DIAPH3: variants seen among roughly 807,000 people sequenced by gnomAD.
DIAPH3 encodes diaphanous related formin 3.
A neutral mutation model predicts 144.3 loss-of-function variants in DIAPH3; 117 were observed. The ratio of observed to expected loss-of-function variants is 0.81; its 90% CI spans 0.70 to 0.95. The LOEUF is 0.95. DIAPH3 is among the 40% of genes least tolerant of loss of function. DIAPH3 has a pLI of 0.00. For missense variants in DIAPH3, 1,421 were observed against 1,412.7 expected, an observed-to-expected ratio of 1.01 and a Z score of -0.09; for synonymous variants, 519 against 488.9, an observed-to-expected ratio of 1.06 and a Z score of -0.81.
chr13:59,811,384 T>C (rs1173016194), intron 24 of DIAPH3, among the ~76,000 whole-genome samples: 1 of 152,198 alleles, frequency 6.6e-6, no homozygotes, highest in Non-Finnish European at 1.5e-5. Context: ...GTGGCTACTT[T>C]TTATTACAAT....
At chr13:59,671,689 A>C (rs2032383899) in intron 27 of DIAPH3, among the ~76,000 whole-genome samples, 1 of 152,246 alleles carries the variant, frequency 6.6e-6, no homozygotes, top group South Asian at 2.1e-4. Flanking sequence ...AAACACGATG[A>C]GAATACATGC....
chr13:59,812,659 A>G (rs2040547743), intron 24 of DIAPH3, among the ~76,000 whole-genome samples: 1 of 152,194 alleles, frequency 6.6e-6, no homozygotes, highest in Admixed American at 6.5e-5. Flanking sequence ...AGAACACATC[A>G]GGCAGAGGGA....
chr13:60,077,781 A>G (rs1287420023), intron 4 of DIAPH3, among the ~76,000 whole-genome samples: 2 of 152,104 alleles, frequency 1.3e-5, no homozygotes, highest in African/African-American at 2.4e-5. Context: ...CATTAAAGAA[A>G]GCACATGATG....
At chr13:59,756,525 G>A (rs2037283213) in intron 27 of DIAPH3, among the ~76,000 whole-genome samples, 2 of 145,408 alleles carry the variant, frequency 1.4e-5, no homozygotes, top group Non-Finnish European at 3.0e-5. Context: ...AGTCAGGCAG[G>A]CAGGGAGGGA....
intron 12 of DIAPH3, among the ~76,000 whole-genome samples, chr13:59,990,716 T>C (rs749962375): frequency 2.6e-5 from 4 of 151,954 alleles, no homozygotes; most frequent in Non-Finnish European, 4.4e-5. Flanking sequence ...AAAAGCCATT[T>C]GTCTGGCTTT....
At chr13:59,839,086 G>C (rs1231809993) in intron 23 of DIAPH3, 1 of 373,130 alleles carries the variant, frequency 2.7e-6, no homozygotes, top group East Asian at 6.4e-5. Context: ...ACTCCAGCCT[G>C]GGTTTCAAAA....
At position 59,974,029 on chromosome 13, in the gene DIAPH3, T is replaced by C. The variant is rs2800307; in HGVS notation, c.1650+323A>G. Among the ~76,000 whole-genome samples, 34,413 of 151,990 alleles carry C rather than the reference T, an allele frequency of 0.23. 4,077 individuals carry two copies. Among genetic ancestry groups the C allele is most frequent in the South Asian group, 0.27 (1,318 of 4,808 alleles). Reference sequence around the variant, plus strand: ...AAATAGCTTGAGCAATAATTTCTTGTAGTGGGATAAAGATCAGTGATGAAT... The same window carrying C: ...AAATAGCTTGAGCAATAATTTCTTGCAGTGGGATAAAGATCAGTGATGAAT... On this transcript the variant is annotated intron_variant, in intron 15 of 27. Transcript: ENST00000400324.
intron 4 of DIAPH3, among the ~76,000 whole-genome samples, chr13:60,091,567 C>T (rs1337868599): frequency 6.6e-6 from 1 of 151,850 alleles, no homozygotes; most frequent in East Asian, 1.9e-4. Flanking sequence ...GAATTACATG[C>T]GTGAGCCACC....
intron 21 of DIAPH3, among the ~76,000 whole-genome samples, chr13:59,878,492 A>G (rs781068026): frequency 1.8e-4 from 28 of 152,168 alleles, no homozygotes; most frequent in African/African-American, 4.8e-5. Context: ...TTACGAGGTC[A>G]AGAACAAGAA....
intron 27 of DIAPH3, among the ~76,000 whole-genome samples, chr13:59,735,073 G>A (rs576756960): frequency 2.2e-4 from 34 of 151,820 alleles, no homozygotes; most frequent in Non-Finnish European, 4.9e-4. Flanking sequence ...TAAATAGAAT[G>A]TTTACAAAAT....
intron 3 of DIAPH3, among the ~76,000 whole-genome samples, chr13:60,105,152 T>C (rs2058385661): frequency 7.0e-6 from 1 of 143,040 alleles, no homozygotes; most frequent in African/African-American, 2.6e-5. Flanking sequence ...AGGATTTTCA[T>C]TCATATATTT....
intron 25 of DIAPH3, among the ~76,000 whole-genome samples, chr13:59,784,919 T>G (rs1334200987): frequency 1.3e-5 from 2 of 152,156 alleles, no homozygotes; most frequent in African/African-American, 2.4e-5. Context: ...ATTCTGGTTA[T>G]AGAGATTTTT....
At chr13:59,889,220 A>T (rs2045638885) in intron 20 of DIAPH3, among the ~76,000 whole-genome samples, 1 of 151,942 alleles carries the variant, frequency 6.6e-6, no homozygotes, top group Admixed American at 6.6e-5. Flanking sequence ...TTACTCTCTT[A>T]TCCTTTGGGG....
intron 22 of DIAPH3, among the ~76,000 whole-genome samples, chr13:59,847,344 G>C (rs1419886143): frequency 6.6e-6 from 1 of 152,178 alleles, no homozygotes; most frequent in Non-Finnish European, 1.5e-5. Context: ...AAAGAAGAAA[G>C]GGAGAAGGCA....
At chr13:59,930,430 T>G (rs926561437) in intron 17 of DIAPH3, among the ~76,000 whole-genome samples, 1 of 152,114 alleles carries the variant, frequency 6.6e-6, no homozygotes, top group South Asian at 2.1e-4. Context: ...CCTTTTGGGA[T>G]AAATACCTAA....
chr13:59,816,165 G>T (rs1202555420), intron 24 of DIAPH3, among the ~76,000 whole-genome samples: 1 of 151,920 alleles, frequency 6.6e-6, no homozygotes, highest in Non-Finnish European at 1.5e-5. Flanking sequence ...ACTCAATTTG[G>T]ACAGGAAGAA....
At chr13:60,135,882 C>T (rs942523152) in intron 1 of DIAPH3, among the ~76,000 whole-genome samples, 8 of 151,966 alleles carry the variant, frequency 5.3e-5, no homozygotes, top group African/African-American at 1.7e-4. Flanking sequence ...TTACTTTAAA[C>T]GTGAATTAAA....
intron 4 of DIAPH3, among the ~76,000 whole-genome samples, chr13:60,091,680 C>G (rs1311241986): frequency 6.6e-6 from 1 of 152,054 alleles, no homozygotes; most frequent in East Asian, 1.9e-4. Context: ...GTACTTTTCT[C>G]TATATTTTAA....
intron 27 of DIAPH3, among the ~76,000 whole-genome samples, chr13:59,686,986 C>A (rs765951191): frequency 6.6e-6 from 1 of 152,060 alleles, no homozygotes; most frequent in Non-Finnish European, 1.5e-5. Flanking sequence ...AAGCACCAAC[C>A]ATTTCTCTTT....
Sources: allele counts gnomAD v4.1 joint callset (sites outside exome capture counted in the v4.1 genomes callset), GRCh38; gene constraint gnomAD v4.1.1; transcripts MANE v1.5; gene names NCBI Gene and HGNC (gene_info 2026-07-23, HGNC 2026-07-21).